Variants in PRKAG2 observed in about 807,000 individuals in gnomAD.
PRKAG2 encodes the protein 5'-AMP-activated protein kinase subunit gamma-2.
PRKAG2 carries 26 observed loss-of-function variants against 69.6 expected under a neutral mutation model. The ratio of observed to expected loss-of-function variants is 0.37; its 90% confidence interval spans 0.27 to 0.52. The LOEUF is 0.52. Ranked by LOEUF, PRKAG2 falls within the 20% of genes least tolerant of loss-of-function variation. The probability of loss-of-function intolerance (pLI) is 0.90; values close to 1 mark genes in which losing one functional copy is unlikely to be tolerated. For synonymous variants in PRKAG2, 293 were observed against 285.0 expected (o/e 1.03, Z -0.28); for missense variants, 557 against 740.0 (o/e 0.75, Z 2.87).
intron 3 of PRKAG2, among the ~76,000 whole-genome samples, chr7:151,720,783 CAG>C (rs1235508844): frequency 3.0e-5 from 1 of 33,874 alleles, no homozygotes; most frequent in African/African-American, 1.4e-4. Flanking sequence ...TGGAGGGGGA[CAG>C]GGGATTGAGG....
intron 3 of PRKAG2, among the ~76,000 whole-genome samples, chr7:151,702,045 G>A (rs930305830): frequency 2.0e-5 from 3 of 152,086 alleles, no homozygotes; most frequent in African/African-American, 7.2e-5. Context: ...GTGTATGGTA[G>A]CCCTGGGTGC....
intron 3 of PRKAG2, among the ~76,000 whole-genome samples, chr7:151,779,481 G>A (rs946823800): frequency 4.6e-5 from 7 of 152,198 alleles, no homozygotes. Flanking sequence ...GAGGGTGATG[G>A]TTCCTGCCAG....
chr7:151,574,878 T>A lies in PRKAG2; in HGVS notation c.1005+13A>T, dbSNP rs770683071. The A allele has an allele frequency of 1.2e-6, 2 of 1,613,646 alleles. No individual in the cohort carries two copies. Among genetic ancestry groups the A allele is most frequent in the African/African-American group, 2.7e-5 (2 of 75,050 alleles). ...CAGCTCCAACTACTGACATAGGAACTGGTGCCACTTACCATAGGTGATTTA... is the reference window on the plus strand; with the variant it reads ...CAGCTCCAACTACTGACATAGGAACAGGTGCCACTTACCATAGGTGATTTA... On this transcript the variant is annotated intron_variant, in intron 8 of 15. Transcript: ENST00000287878.
chr7:151,756,055 C>G lies in PRKAG2; in HGVS notation c.466+25097G>C, dbSNP rs1395574843. 6.6e-6 allele frequency among the ~76,000 whole-genome samples: 1 copy of G among 152,174 alleles called. No individual in the cohort carries two copies. On this transcript the variant is annotated intron_variant, in intron 3 of 15. Transcript: ENST00000287878. This position sits in a 1 kb window ranked among gnomAD's most constrained non-coding sequence, Gnocchi z 4.9. ...TGCCCTCTCCCGCCTCCTCTCCCAT[C>G]CCCCATTGGTCTCCTCCTCTTCTCA...
rs988402597 is a variant in PRKAG2, at chr7:151,719,798, C to T, written c.467-44161G>A. 6.6e-6 allele frequency among the ~76,000 whole-genome samples: 1 copy of T among 151,946 alleles called. No homozygotes were observed. Among genetic ancestry groups the T allele is most frequent in the Non-Finnish European group, 1.5e-5 (1 of 67,954 alleles). On this transcript the variant is annotated intron_variant, in intron 3 of 15. Coordinates refer to ENST00000287878, the MANE Select transcript of PRKAG2 (RefSeq NM_016203.4). The surrounding 1 kb of genome is among the most constrained non-coding windows in gnomAD (Gnocchi z 5.2). ...AAGAAACTGGAGCCTGCCCCTCCTC[C>T]CCCTGAGTTTGCCAGGCAGCCTGTA...
chr7:151,807,848 G>A lies in PRKAG2; in HGVS notation c.115-21307C>T, dbSNP rs2078197373. On this transcript the variant is annotated intron_variant, in intron 1 of 15. Transcript: ENST00000287878. This position sits in a 1 kb window ranked among gnomAD's most constrained non-coding sequence, Gnocchi z 4.4. ...GGAGAGAAGAGATAAATCTGGATGC[G>A]GTGGAGACAACGGCCAAACAGAAAA... Among the ~76,000 whole-genome samples, 1 of 152,134 alleles carries A rather than the reference G, an allele frequency of 6.6e-6. No homozygotes were observed. Among genetic ancestry groups the A allele is most frequent in the African/African-American group, 2.4e-5 (1 of 41,412 alleles).
At chr7:151,710,293 A>G (rs1795071623) in intron 3 of PRKAG2, among the ~76,000 whole-genome samples, 1 of 152,136 alleles carries the variant, frequency 6.6e-6, no homozygotes. Flanking sequence ...TCTCTATCTC[A>G]GTGCGTGGCA....
At chr7:151,810,435 C>T in intron 1 of PRKAG2, 1 of 152,288 alleles carries the variant, frequency 6.6e-6, no homozygotes, top group East Asian at 1.9e-4. Context: ...CTAGGAGCCC[C>T]CAGACTCTGA....
chr7:151,790,987 G>A (rs7791574), intron 1 of PRKAG2, among the ~76,000 whole-genome samples: 14,029 of 152,232 alleles, frequency 0.092, 2,147 homozygotes, highest in African/African-American at 0.32. Flanking sequence ...CAGGTCCCAC[G>A]CAGGTGTCTC....
At chr7:151,731,043 C>G in intron 3 of PRKAG2, among the ~76,000 whole-genome samples, 1 of 152,326 alleles carries the variant, frequency 6.6e-6, no homozygotes, top group South Asian at 2.1e-4. Context: ...CCTTAAGACG[C>G]TAAATGGTTT....
intron 4 of PRKAG2, among the ~76,000 whole-genome samples, chr7:151,657,343 A>G (rs1829587139): frequency 6.6e-6 from 1 of 152,096 alleles, no homozygotes; most frequent in Non-Finnish European, 1.5e-5. Context: ...CAGCTATGCC[A>G]CTGACTCACT....
chr7:151,672,649 CT>C (rs1437774332), intron 4 of PRKAG2, among the ~76,000 whole-genome samples: 1 of 151,976 alleles, frequency 6.6e-6, no homozygotes, highest in East Asian at 1.9e-4. Context: ...TTGTGACTGG[CT>C]TATTTCACTC....
intron 5 of PRKAG2, among the ~76,000 whole-genome samples, chr7:151,613,108 C>T (rs900994606): frequency 6.6e-6 from 1 of 152,194 alleles, no homozygotes; most frequent in African/African-American, 2.4e-5. Flanking sequence ...CAAACAGGAG[C>T]TACCTGCGGC....
chr7:151,560,555 G>A lies in PRKAG2; in HGVS notation c.1647C>T (p.Asp549=). 6.2e-7 allele frequency: 1 copy of A among 1,614,106 alleles called. No individual in the cohort carries two copies. The highest frequency in any genetic ancestry group is 8.5e-7 in the Non-Finnish European group (1 of 1,179,960). Residue 549 remains aspartate, a synonymous_variant, in exon 15 of 16, where the codon GAC becomes GAT. Coordinates refer to ENST00000287878, the MANE Select transcript of PRKAG2 (RefSeq NM_016203.4). Reference sequence around the variant, plus strand: ...GTGTGAGGATCAGGGCTTGCAGAATGTCCGACAGGGAAATAATACCCACAA... The same window carrying A: ...GTGTGAGGATCAGGGCTTGCAGAATATCCGACAGGGAAATAATACCCACAA... ...DSIVGIISLS[D]ILQALILTPA... is the part of the protein sequence containing the mutation.
intron 1 of PRKAG2, among the ~76,000 whole-genome samples, chr7:151,865,285 G>T (rs1294783345): frequency 6.6e-6 from 1 of 152,260 alleles, no homozygotes; most frequent in Non-Finnish European, 1.5e-5. Flanking sequence ...CCGACTGGGC[G>T]ATGGGCAGAC....
Position 151,632,206 on chromosome 7 carries a change from G to A in PRKAG2, c.685-68C>T, listed in dbSNP as rs1369156216. On this transcript the variant is annotated intron_variant, in intron 4 of 15. Transcript: ENST00000287878. The surrounding 1 kb of genome is among the most constrained non-coding windows in gnomAD (Gnocchi z 4.2). ...GCTCGTCCCCGGCCGGCGGGCTCGC[G>A]GCCGGCCGAGCGCTGGGGCCTGGCT... 9 of 1,159,240 alleles carry A rather than the reference G, an allele frequency of 7.8e-6. No homozygotes were observed. Among genetic ancestry groups the A allele is most frequent in the East Asian group, 8.4e-5 (2 of 23,710 alleles). The allele number at this position is 1,159,240 out of a possible 1,614,324, so 71.8% of individuals were successfully genotyped here. A position where few individuals can be genotyped will look rare whatever the true frequency, so the allele number is the denominator to read the frequency against.
chr7:151,870,138 TAGATAGATAGATAGATAGGCAGGC>T (rs1019205658), intron 1 of PRKAG2, among the ~76,000 whole-genome samples: 1 of 129,782 alleles, frequency 7.7e-6, no homozygotes, highest in Non-Finnish European at 1.7e-5. Context: ...GATAGATAGA[TAGATAGATAGATAGATAGGCAGGC>T]AGGCAGGCAG....
intron 15 of PRKAG2, chr7:151,559,507 G>A: frequency 1.0e-6 from 1 of 981,296 alleles, no homozygotes. Flanking sequence ...AATTCCAGGT[G>A]GTGGTGATGA....
intron 3 of PRKAG2, among the ~76,000 whole-genome samples, chr7:151,748,432 G>A (rs755464360): frequency 6.6e-6 from 1 of 152,166 alleles, no homozygotes; most frequent in South Asian, 2.1e-4. Flanking sequence ...CTGGGAAGGT[G>A]TGGGGTGGGA....
Sources: gnomAD v4.1 joint callset for allele counts (sites outside exome capture counted in the v4.1 genomes callset) on GRCh38, gnomAD v4.1.1 for gene constraint, Gnocchi (gnomAD v3.1) non-coding constraint, MANE v1.5 for transcripts, NCBI Gene and HGNC (gene_info 2026-07-23, HGNC 2026-07-21) for gene names.